TMEM114: variants seen among roughly 807,000 people sequenced by gnomAD.
The protein encoded by TMEM114 is claudin-26.
A neutral mutation model predicts 6.2 loss-of-function variants in TMEM114; 6 were observed. That is an observed-to-expected ratio of 0.97 (90% CI 0.53 to 1.91). TMEM114 has a LOEUF of 1.91. Among genes scored for constraint, TMEM114 ranks in the 40% most tolerant of loss-of-function variants. The pLI, the probability that TMEM114 is intolerant of heterozygous loss-of-function variation, is 0.01. For missense variants in TMEM114, 218 were observed against 158.3 expected, an observed-to-expected ratio of 1.38 and a Z score of -2.02; for synonymous variants, 104 against 73.0, an observed-to-expected ratio of 1.42 and a Z score of -2.16.
intron 2 of TMEM114, among the ~76,000 whole-genome samples, chr16:8,585,284 G>T (rs1163801902): frequency 1.3e-5 from 2 of 152,210 alleles, no homozygotes; most frequent in Non-Finnish European, 2.9e-5. Context: ...TGACATTTGG[G>T]TGGGGGCACA....
At chr16:8,544,559 A>G (rs986322326) in intron 2 of TMEM114, among the ~76,000 whole-genome samples, 6 of 152,316 alleles carry the variant, frequency 3.9e-5, no homozygotes, top group Admixed American at 3.9e-4. Flanking sequence ...TAGACGACCA[A>G]CCTGTTGAAA....
intron 2 of TMEM114, among the ~76,000 whole-genome samples, chr16:8,543,646 G>A (rs970661365): frequency 6.6e-6 from 1 of 151,904 alleles, no homozygotes; most frequent in Non-Finnish European, 1.5e-5. Context: ...GACAGCCAAG[G>A]TTTCTGCCTT....
chr16:8,561,231 G>A (rs1407954279), intron 2 of TMEM114, among the ~76,000 whole-genome samples: 3 of 152,212 alleles, frequency 2.0e-5, no homozygotes, highest in East Asian at 1.9e-4. Flanking sequence ...CCCTTCCCTT[G>A]CCTATAGCAC....
intron 2 of TMEM114, among the ~76,000 whole-genome samples, chr16:8,564,478 G>A (rs1901448199): frequency 1.5e-5 from 1 of 68,262 alleles, no homozygotes; most frequent in Non-Finnish European, 3.1e-5. Context: ...AGGGAGGGAC[G>A]GAGGGAATGA....
At chr16:8,576,704 CAGGAAGGAAGGA>C (rs71396282) in intron 2 of TMEM114, among the ~76,000 whole-genome samples, 26,439 of 129,234 alleles carry the variant, frequency 0.2, 2,706 homozygotes, top group African/African-American at 0.22. Context: ...TGAATGAGAG[CAGGAAGGAAGGA>C]AGGAAGGAAG....
intron 2 of TMEM114, among the ~76,000 whole-genome samples, chr16:8,541,186 T>G (rs1230268046): frequency 6.6e-6 from 1 of 152,152 alleles, no homozygotes; most frequent in Non-Finnish European, 1.5e-5. Flanking sequence ...TACCATGAAG[T>G]TGGTGCTATT....
At chr16:8,536,899 C>A (rs72776580), downstream of TMEM114, among the ~76,000 whole-genome samples, 1 of 152,016 alleles carries the variant, frequency 6.6e-6, no homozygotes, top group Non-Finnish European at 1.5e-5. Flanking sequence ...GTAGGAATCA[C>A]ACATTTTTAC....
At chr16:8,544,857 TC>T (rs1260283260) in intron 2 of TMEM114, among the ~76,000 whole-genome samples, 2 of 152,064 alleles carry the variant, frequency 1.3e-5, no homozygotes, top group Admixed American at 1.3e-4. Flanking sequence ...ACTGCTCCCC[TC>T]AGAGATATAA....
chr16:8,536,913 T>C (rs1371600083), downstream of TMEM114, among the ~76,000 whole-genome samples: 1 of 152,166 alleles, frequency 6.6e-6, no homozygotes, highest in East Asian at 1.9e-4. Context: ...TTTTTACTTT[T>C]ATTAAACATA....
chr16:8,569,343 G>A (rs1466373568), downstream of TMEM114, among the ~76,000 whole-genome samples: 1 of 152,048 alleles, frequency 6.6e-6, no homozygotes, highest in African/African-American at 2.4e-5. Context: ...CTCCAGGCCA[G>A]AGCTCCCCAG....
intron 2 of TMEM114, among the ~76,000 whole-genome samples, chr16:8,540,121 G>T (rs1255426415): frequency 6.6e-6 from 1 of 152,114 alleles, no homozygotes; most frequent in South Asian, 2.1e-4. Flanking sequence ...GCTGTGCCGG[G>T]CCACAAATAT....
At chr16:8,533,040 T>G (rs929653689), downstream of TMEM114, among the ~76,000 whole-genome samples, 3 of 152,082 alleles carry the variant, frequency 2.0e-5, no homozygotes, top group African/African-American at 7.2e-5. Context: ...ATGAACAACA[T>G]AAATAAAGTC....
the TMEM114 span, among the ~76,000 whole-genome samples, chr16:8,530,648 T>A: frequency 1.4e-5 from 2 of 147,696 alleles, no homozygotes; most frequent in Admixed American, 6.8e-5. Context: ...GGGGGACGGA[T>A]GAAGAGAGGG....
intron 2 of TMEM114, among the ~76,000 whole-genome samples, chr16:8,574,560 T>C (rs1901850842): frequency 7.0e-6 from 1 of 142,390 alleles, no homozygotes; most frequent in African/African-American, 2.7e-5. Flanking sequence ...CTTCTTTCTT[T>C]CTTTCTTTCT....
intron 2 of TMEM114, among the ~76,000 whole-genome samples, chr16:8,564,077 A>ATGAATGAGTGAGTGAG (rs1159791770): frequency 4.1e-5 from 6 of 145,856 alleles, no homozygotes; most frequent in Admixed American, 2.0e-4. Flanking sequence ...GAGTGAGTGC[A>ATGAATGAGTGAGTGAG]TGAATGAGTG....
chr16:8,557,049 A>C (rs1567199688), intron 2 of TMEM114, among the ~76,000 whole-genome samples: 1 of 152,080 alleles, frequency 6.6e-6, no homozygotes, highest in South Asian at 2.1e-4. Flanking sequence ...GCTTGAGGAA[A>C]CAGGATACAC....
At chr16:8,578,286 T>A (rs936125762) in intron 2 of TMEM114, among the ~76,000 whole-genome samples, 1 of 152,072 alleles carries the variant, frequency 6.6e-6, no homozygotes, top group African/African-American at 2.4e-5. Context: ...AAGATATCAA[T>A]GGGACTGTGT....
At chr16:8,558,643 A>G (rs1400001442) in intron 2 of TMEM114, among the ~76,000 whole-genome samples, 1 of 152,114 alleles carries the variant, frequency 6.6e-6, no homozygotes, top group Non-Finnish European at 1.5e-5. Context: ...TCCCCTATTT[A>G]GGCAAGCAAC....
chr16:8,527,098 T>G, the TMEM114 span, among the ~76,000 whole-genome samples: 1 of 152,142 alleles, frequency 6.6e-6, no homozygotes, highest in Admixed American at 6.5e-5. Flanking sequence ...TCCCAGCTAC[T>G]CAGGAGGCTG....
Sources: gnomAD v4.1 joint callset for allele counts (sites outside exome capture counted in the v4.1 genomes callset) on GRCh38, gnomAD v4.1.1 for gene constraint, MANE v1.5 for transcripts, NCBI Gene and HGNC (gene_info 2026-07-23, HGNC 2026-07-21) for gene names.